ZNF558: variants seen among roughly 807,000 people sequenced by gnomAD.
ZNF558 encodes zinc finger protein 558.
In ZNF558, 23 loss-of-function variants were observed where a neutral mutation model predicts 37.6. The observed-to-expected ratio is 0.61, with a 90% CI of 0.44 to 0.87. The LOEUF (loss-of-function observed/expected upper bound fraction) is 0.87, where lower values mean the gene tolerates loss of function less well. Ranked by LOEUF, ZNF558 falls within the 40% of genes least tolerant of loss-of-function variation. The probability of loss-of-function intolerance (pLI) is 0.00; values close to 1 mark genes in which losing one functional copy is unlikely to be tolerated. For synonymous variants in ZNF558, 189 were observed against 174.4 expected (o/e 1.08, Z -0.66); for missense variants, 429 against 483.7 (o/e 0.89, Z 1.06).
Position 8,830,509 on chromosome 19 carries a change from T to A in ZNF558, c.-509+809A>T, listed in dbSNP as rs182400771. Reference sequence around the variant, plus strand: ...CAAAACACATCTGGTCGCCGGTCAATTTAATTTTAAATTTGTTACTAATAA... The same window carrying A: ...CAAAACACATCTGGTCGCCGGTCAAATTAATTTTAAATTTGTTACTAATAA... On this transcript the variant is annotated intron_variant, in intron 2 of 9. Coordinates refer to ENST00000601372, the MANE Select transcript of ZNF558 (RefSeq NM_144693.3). Among the ~76,000 whole-genome samples the A allele has an allele frequency of 2.6e-5, 4 of 152,318 alleles. No homozygotes were observed. The East Asian group carries it at 7.7e-4, about 29-fold the overall frequency.
the ZNF558 span, among the ~76,000 whole-genome samples, chr19:8,838,054 C>T: frequency 2.0e-5 from 3 of 151,674 alleles, no homozygotes; most frequent in South Asian, 2.1e-4. Context: ...TGAGACCATC[C>T]TGGATAACAT....
chr19:8,823,038 C>A, intron 4 of ZNF558: 1 of 260,528 alleles, frequency 3.8e-6, no homozygotes, highest in South Asian at 5.0e-5. Context: ...TCCCTCCTTC[C>A]CCGGGGACTC....
intron 7 of ZNF558, among the ~76,000 whole-genome samples, chr19:8,817,966 A>G (rs538212807): frequency 6.6e-6 from 1 of 152,336 alleles, no homozygotes; most frequent in Admixed American, 6.5e-5. Flanking sequence ...GAAGGATTAA[A>G]CAATAAACTA....
upstream of ZNF558, among the ~76,000 whole-genome samples, chr19:8,836,367 CCTT>C (rs1239382929): frequency 6.6e-6 from 1 of 151,738 alleles, no homozygotes; most frequent in African/African-American, 2.4e-5. Context: ...CTCCTTTCTT[CCTT>C]CTTCCTTACT....
chr19:8,813,369 T>C, intron 7 of ZNF558, 147 bp from the exon 8 acceptor site: 1 of 648,220 alleles, frequency 1.5e-6, no homozygotes, highest in South Asian at 1.9e-5. Flanking sequence ...CTTTTTTTTA[T>C]TTATTTTGAG....
At chr19:8,821,657 T>C (rs2044094667) in intron 6 of ZNF558, 3 of 1,312,420 alleles carry the variant, frequency 2.3e-6, no homozygotes, top group South Asian at 3.6e-5. Context: ...CATGGGCCCG[T>C]GACATGGCAG....
intron 7 of ZNF558, among the ~76,000 whole-genome samples, chr19:8,817,678 A>G (rs926731633): frequency 1.3e-5 from 2 of 152,176 alleles, no homozygotes; most frequent in Non-Finnish European, 2.9e-5. Context: ...CAAAGACACA[A>G]ATATGGCCAA....
intron 2 of ZNF558, among the ~76,000 whole-genome samples, chr19:8,828,965 T>TTA (rs2044290852): frequency 7.7e-6 from 1 of 129,506 alleles, no homozygotes; most frequent in South Asian, 2.6e-4. Flanking sequence ...TCTGTCTCAT[T>TTA]AAAAAAAAAA....
intron 4 of ZNF558, among the ~76,000 whole-genome samples, chr19:8,823,486 C>T (rs1319697428): frequency 8.4e-6 from 1 of 118,458 alleles, no homozygotes; most frequent in Non-Finnish European, 1.8e-5. Context: ...TCACCCCCCT[C>T]CTGCCTGTGC....
At chr19:8,828,252 G>A (rs530118416) in intron 2 of ZNF558, among the ~76,000 whole-genome samples, 6 of 152,252 alleles carry the variant, frequency 3.9e-5, no homozygotes, top group Admixed American at 1.3e-4. Flanking sequence ...AGAGATGTTC[G>A]CTTTCCCCAT....
intron 2 of ZNF558, among the ~76,000 whole-genome samples, chr19:8,828,277 A>G (rs2044276710): frequency 6.6e-6 from 1 of 152,222 alleles, no homozygotes; most frequent in Admixed American, 6.5e-5. Flanking sequence ...ACTAAAGATA[A>G]CATCTTAACA....
intron 2 of ZNF558, among the ~76,000 whole-genome samples, chr19:8,825,361 T>C (rs944230739): frequency 6.6e-6 from 1 of 152,146 alleles, no homozygotes; most frequent in Non-Finnish European, 1.5e-5. Context: ...TTGCCATTAC[T>C]TTCGATGGCA....
chr19:8,817,248 T>C (rs575653427), intron 7 of ZNF558, among the ~76,000 whole-genome samples: 3 of 152,288 alleles, frequency 2.0e-5, no homozygotes, highest in Admixed American at 6.5e-5. Flanking sequence ...CAATTACAGA[T>C]GGTCCCCAGC....
At chr19:8,819,440 C>T (rs1252280713) in intron 7 of ZNF558, among the ~76,000 whole-genome samples, 2 of 152,112 alleles carry the variant, frequency 1.3e-5, no homozygotes, top group African/African-American at 4.8e-5. Flanking sequence ...CTCAGCCTCC[C>T]AAAGTGCTGG....
rs1555768268 is a variant in ZNF558 at position 8,811,878 on chromosome 19, C to T, written c.612G>A (p.Gly204=). 1 of 1,613,964 alleles carries T rather than the reference C, an allele frequency of 6.2e-7. No homozygotes were observed. Among genetic ancestry groups the T allele is most frequent in the Admixed American group, 1.7e-5 (1 of 59,992 alleles). ...AGTGATTGCATTCATAGGGTTTCTC[C>T]CCATTATGGATTCTCTTATGAATAG... is the stretch of plus-strand genomic sequence containing the variant. ...YLTIHKRIHN[G]EKPYECNHCG... Residue 204 remains glycine, a synonymous_variant, in exon 10 of 10, where the codon GGG becomes GGA. Transcript: ENST00000601372.
chr19:8,816,984 T>C (rs953628647), intron 7 of ZNF558, among the ~76,000 whole-genome samples: 2 of 152,142 alleles, frequency 1.3e-5, no homozygotes, highest in Non-Finnish European at 2.9e-5. Context: ...AAATGCTTAT[T>C]AAAATTCTCA....
At chr19:8,821,945 C>T (rs1297513933) in intron 6 of ZNF558, 58 bp downstream of exon 6, 1 of 1,605,548 alleles carries the variant, frequency 6.2e-7, no homozygotes, top group African/African-American at 1.3e-5. Flanking sequence ...TGGAAGGTAT[C>T]AAGTCCAACC....
intron 1 of ZNF558, among the ~76,000 whole-genome samples, chr19:8,831,651 G>A (rs1308026997): frequency 6.6e-6 from 1 of 152,230 alleles, no homozygotes; most frequent in African/African-American, 2.4e-5. Flanking sequence ...TACTACGCTG[G>A]AGAGAGATTC....
At chr19:8,831,746 A>C (rs2044362327) in intron 1 of ZNF558, among the ~76,000 whole-genome samples, 3 of 152,226 alleles carry the variant, frequency 2.0e-5, no homozygotes, top group African/African-American at 7.2e-5. Flanking sequence ...CAATTTATGT[A>C]GTTTATTCAG....
Sources: gnomAD v4.1 joint callset for allele counts (sites outside exome capture counted in the v4.1 genomes callset) on GRCh38, gnomAD v4.1.1 for gene constraint, MANE v1.5 for transcripts, NCBI Gene and HGNC (gene_info 2026-07-23, HGNC 2026-07-21) for gene names.